Variants in GRAP2 observed in about 807,000 individuals in gnomAD.
The protein encoded by GRAP2 is GRB2-related adapter protein 2.
Under a neutral mutation model 43.5 loss-of-function variants are expected in GRAP2, and 31 were observed. That is an observed-to-expected ratio of 0.71 (90% confidence interval 0.54 to 0.96). The LOEUF (loss-of-function observed/expected upper bound fraction) is 0.96. GRAP2 is among the 40% of genes least tolerant of loss of function. The pLI is 0.00. For synonymous variants in GRAP2, 156 were observed against 164.8 expected, an observed-to-expected ratio of 0.95 and a Z score of 0.41; for missense variants, 371 against 424.4, an observed-to-expected ratio of 0.87 and a Z score of 1.11.
intron 1 of GRAP2, among the ~76,000 whole-genome samples, chr22:39,920,508 C>T (rs1196471059): frequency 1.3e-5 from 2 of 152,182 alleles, no homozygotes; most frequent in African/African-American, 4.8e-5. Flanking sequence ...AGCCGGGGTG[C>T]AGCTCAGTGT....
chr22:39,927,818 A>G (rs1444498577), intron 1 of GRAP2, among the ~76,000 whole-genome samples: 1 of 152,162 alleles, frequency 6.6e-6, no homozygotes, highest in Non-Finnish European at 1.5e-5. Flanking sequence ...GGGTAAGGGG[A>G]CCCTGTCCTT....
At chr22:39,929,805 G>A (rs184512767) in intron 1 of GRAP2, among the ~76,000 whole-genome samples, 64 of 152,282 alleles carry the variant, frequency 4.2e-4, no homozygotes, top group Admixed American at 7.8e-4. Context: ...TTGACTGGGA[G>A]TCTCTACATA....
intron 1 of GRAP2, among the ~76,000 whole-genome samples, chr22:39,919,650 C>A (rs2066633241): frequency 6.6e-6 from 1 of 152,144 alleles, no homozygotes; most frequent in South Asian, 2.1e-4. Flanking sequence ...ACCTGTCTAT[C>A]CTTGAATTAC....
chr22:39,956,018 C>A, intron 3 of GRAP2, 108 bp downstream of exon 3: 1 of 686,630 alleles, frequency 1.5e-6, no homozygotes, highest in Non-Finnish European at 2.7e-6. Context: ...TCAAAAATGG[C>A]TGCCTCTGGA....
intron 2 of GRAP2, among the ~76,000 whole-genome samples, chr22:39,954,140 A>ATCTATTTC (rs1325165250): frequency 1.3e-5 from 2 of 152,182 alleles, no homozygotes; most frequent in African/African-American, 4.8e-5. Flanking sequence ...TCCTCTACAT[A>ATCTATTTC]TGGATGCCTT....
chr22:39,935,558 A>G (rs1407378674), intron 1 of GRAP2, among the ~76,000 whole-genome samples: 12 of 152,368 alleles, frequency 7.9e-5, no homozygotes, highest in East Asian at 1.9e-4. Flanking sequence ...GGAATTTGCC[A>G]TATTATCCCT....
At chr22:39,915,407 C>T (rs1347499209) in intron 1 of GRAP2, among the ~76,000 whole-genome samples, 1 of 151,776 alleles carries the variant, frequency 6.6e-6, no homozygotes, top group Non-Finnish European at 1.5e-5. Flanking sequence ...CTTGCTCCAC[C>T]TTCTGCTTTC....
At chr22:39,905,138 C>G (rs796495807) in intron 1 of GRAP2, among the ~76,000 whole-genome samples, 4 of 152,244 alleles carry the variant, frequency 2.6e-5, no homozygotes, top group African/African-American at 9.6e-5. Context: ...TTAGCGAGTA[C>G]TCTCAGGGGG....
chr22:39,937,101 A>G (rs1399436906), intron 1 of GRAP2, among the ~76,000 whole-genome samples: 1 of 152,112 alleles, frequency 6.6e-6, no homozygotes, highest in Admixed American at 6.5e-5. Flanking sequence ...TCCATTTCCC[A>G]CCTCTAAAAT....
chr22:39,919,437 C>A (rs1601696282), intron 1 of GRAP2, among the ~76,000 whole-genome samples: 1 of 152,216 alleles, frequency 6.6e-6, no homozygotes, highest in South Asian at 2.1e-4. Flanking sequence ...ATATTAGACC[C>A]TGTTTTTTAT....
At chr22:39,912,619 C>A (rs1475238635) in intron 1 of GRAP2, among the ~76,000 whole-genome samples, 1 of 152,182 alleles carries the variant, frequency 6.6e-6, no homozygotes, top group African/African-American at 2.4e-5. Context: ...AAGGACTTAA[C>A]TGGCCCCAAA....
chr22:39,935,896 G>T (rs2066802104), intron 1 of GRAP2, among the ~76,000 whole-genome samples: 1 of 152,202 alleles, frequency 6.6e-6, no homozygotes, highest in South Asian at 2.1e-4. Flanking sequence ...CGTATTTGCA[G>T]CATTTGTGAA....
At chr22:39,969,271 CGTGGA>C in intron 6 of GRAP2, 135 bp from the exon 7 acceptor site, 1 of 940,238 alleles carries the variant, frequency 1.1e-6, no homozygotes, top group African/African-American at 1.6e-5. Context: ...TCCTCCTCAA[CGTGGA>C]GGGTTTATTG....
chr22:39,954,525 G>A (rs2145651690), intron 2 of GRAP2, among the ~76,000 whole-genome samples: 1 of 152,280 alleles, frequency 6.6e-6, no homozygotes, highest in Non-Finnish European at 1.5e-5. Flanking sequence ...CTCCCGAGTA[G>A]CTGGGATTAC....
intron 3 of GRAP2, among the ~76,000 whole-genome samples, chr22:39,957,268 C>T (rs903247435): frequency 3.3e-5 from 5 of 152,160 alleles, no homozygotes; most frequent in African/African-American, 1.2e-4. Context: ...TTGACGGAAC[C>T]CTTGATGCTG....
chr22:39,961,394 CA>C (rs901436094), intron 4 of GRAP2, among the ~76,000 whole-genome samples: 2 of 152,172 alleles, frequency 1.3e-5, no homozygotes, highest in Non-Finnish European at 2.9e-5. Context: ...AAGCACTCAG[CA>C]TGCCAAGGGG....
At chr22:39,901,044 C>G (rs950326615), upstream of GRAP2, 1 of 312,564 alleles carries the variant, frequency 3.2e-6, no homozygotes. Flanking sequence ...CCCAACTCTC[C>G]GAAGCCCCAT....
At chr22:39,966,561 A>T (rs1261645410) in intron 5 of GRAP2, among the ~76,000 whole-genome samples, 1 of 152,144 alleles carries the variant, frequency 6.6e-6, no homozygotes, top group African/African-American at 2.4e-5. Flanking sequence ...TTGCCCAAGG[A>T]TGAAGGAGTT....
At chr22:39,922,094 T>C (rs1231568104) in intron 1 of GRAP2, among the ~76,000 whole-genome samples, 1 of 152,226 alleles carries the variant, frequency 6.6e-6, no homozygotes, top group Non-Finnish European at 1.5e-5. Flanking sequence ...CAACATTTAC[T>C]AAGTGACTGC....
Sources: gnomAD v4.1 joint callset for allele counts (sites outside exome capture counted in the v4.1 genomes callset) on GRCh38, gnomAD v4.1.1 for gene constraint, MANE v1.5 for transcripts, NCBI Gene and HGNC (gene_info 2026-07-23, HGNC 2026-07-21) for gene names.